PXDN: variants seen among roughly 807,000 people sequenced by gnomAD.
The protein encoded by PXDN is peroxidasin, also known as peroxidasin homolog.
Under a neutral mutation model 140.3 loss-of-function variants are expected in PXDN, and 77 were observed. The observed-to-expected ratio is 0.55, with a 90% confidence interval of 0.46 to 0.66. The LOEUF (loss-of-function observed/expected upper bound fraction) is 0.66. Among genes scored for constraint, PXDN ranks in the 30% least tolerant of loss-of-function variants. PXDN has a pLI of 0.00. For missense variants in PXDN, 1,838 were observed against 2,039.5 expected (o/e 0.90, Z 1.90); for synonymous variants, 911 against 857.4 (o/e 1.06, Z -1.09).
intron 1 of PXDN, among the ~76,000 whole-genome samples, chr2:1,719,062 C>A (rs1487962692): frequency 6.6e-6 from 1 of 152,256 alleles, no homozygotes; most frequent in Non-Finnish European, 1.5e-5. Context: ...AGCTGAGACG[C>A]CAGGGGCCAG....
At chr2:1,705,290 G>A (rs147209628) in intron 1 of PXDN, among the ~76,000 whole-genome samples, 1,640 of 152,292 alleles carry the variant, frequency 0.011, 19 homozygotes, top group African/African-American at 0.035. Context: ...CTCCATGAAG[G>A]CTGGGGTTGG....
At chr2:1,713,946 G>A (rs929171245) in intron 1 of PXDN, among the ~76,000 whole-genome samples, 2 of 152,220 alleles carry the variant, frequency 1.3e-5, no homozygotes, top group African/African-American at 4.8e-5. Flanking sequence ...GAAGGCACAG[G>A]CTCCCAGGCT....
At chr2:1,667,546 G>A (rs1375065405) in intron 9 of PXDN, among the ~76,000 whole-genome samples, 1 of 152,122 alleles carries the variant, frequency 6.6e-6, no homozygotes, top group African/African-American at 2.4e-5. Flanking sequence ...TGCATATTTA[G>A]AAAACTCCAA....
At chr2:1,716,127 G>A (rs956373754) in intron 1 of PXDN, among the ~76,000 whole-genome samples, 20 of 152,146 alleles carry the variant, frequency 1.3e-4, no homozygotes, top group African/African-American at 4.3e-4. Context: ...CTGAGCCTCA[G>A]TGTACGTATC....
chr2:1,735,278 A>T (rs1205401766), intron 1 of PXDN, among the ~76,000 whole-genome samples: 3 of 152,176 alleles, frequency 2.0e-5, no homozygotes, highest in Non-Finnish European at 2.9e-5. Flanking sequence ...CCATGAATCA[A>T]AAATGTTCTT....
At chr2:1,721,899 C>A (rs761317854) in intron 1 of PXDN, among the ~76,000 whole-genome samples, 1 of 152,158 alleles carries the variant, frequency 6.6e-6, no homozygotes, top group African/African-American at 2.4e-5. Context: ...AAAATGGAAT[C>A]AAGAAATATT....
At chr2:1,742,034 G>T (rs1327741512) in intron 1 of PXDN, among the ~76,000 whole-genome samples, 1 of 152,118 alleles carries the variant, frequency 6.6e-6, no homozygotes, top group African/African-American at 2.4e-5. Flanking sequence ...ACTGTGCCTA[G>T]GTCCGCACAG....
chr2:1,721,718 T>C (rs1434456565), intron 1 of PXDN, among the ~76,000 whole-genome samples: 1 of 152,076 alleles, frequency 6.6e-6, no homozygotes, highest in Non-Finnish European at 1.5e-5. Context: ...TCCCAGCTAC[T>C]TGGGAGACTG....
At chr2:1,692,453 G>A (rs1212688855) in intron 2 of PXDN, 12 of 470,422 alleles carry the variant, frequency 2.6e-5, no homozygotes, top group Middle Eastern at 6.6e-4. Flanking sequence ...GAGAGACCCC[G>A]GGCCACTTGC....
intron 1 of PXDN, among the ~76,000 whole-genome samples, chr2:1,725,649 A>C (rs148915251): frequency 3.3e-5 from 5 of 152,192 alleles, no homozygotes; most frequent in Non-Finnish European, 5.9e-5. Flanking sequence ...CAACCTACAG[A>C]ATGGGAGAAA....
In PXDN at chr2:1,656,588, T is replaced by A. The variant is rs575435594; in HGVS notation, c.1838-2080A>T. On this transcript the variant is annotated intron_variant, in intron 14 of 22. Transcript: ENST00000252804. ...TTCCTGACAGGGACCTGTCCCCTCC[T>A]GCCTGAAACCTGTCCCCTCCTGAAT... 3.5e-3 allele frequency among the ~76,000 whole-genome samples: 526 copies of A among 150,250 alleles called. 1 individual carries two copies. The highest frequency in any genetic ancestry group is 0.011 in the Middle Eastern group (3 of 282).
intron 1 of PXDN, among the ~76,000 whole-genome samples, chr2:1,717,070 G>A (rs974635807): frequency 5.9e-5 from 9 of 152,150 alleles, no homozygotes; most frequent in African/African-American, 2.2e-4. Context: ...GCTAAGGTCT[G>A]TATACTGATG....
chr2:1,724,073 T>C (rs1685116605), intron 1 of PXDN, among the ~76,000 whole-genome samples: 1 of 152,260 alleles, frequency 6.6e-6, no homozygotes, highest in Non-Finnish European at 1.5e-5. Context: ...TCAGATAAAC[T>C]GCAGCCTTTG....
At chr2:1,708,160 G>A (rs62116634) in intron 1 of PXDN, among the ~76,000 whole-genome samples, 3 of 152,136 alleles carry the variant, frequency 2.0e-5, no homozygotes, top group Admixed American at 1.3e-4. Context: ...AGCTGAGATC[G>A]TGGGGCTGGG....
intron 1 of PXDN, among the ~76,000 whole-genome samples, chr2:1,740,390 G>T (rs900289613): frequency 2.0e-5 from 3 of 152,122 alleles, no homozygotes; most frequent in African/African-American, 4.8e-5. Flanking sequence ...TCACTCAGGC[G>T]ACGCAGTCTC....
intron 1 of PXDN, among the ~76,000 whole-genome samples, chr2:1,712,254 T>C (rs1286316129): frequency 6.6e-6 from 1 of 152,242 alleles, no homozygotes; most frequent in Non-Finnish European, 1.5e-5. Flanking sequence ...TTTAGGTTTC[T>C]GAGTTTAATC....
intron 12 of PXDN, among the ~76,000 whole-genome samples, chr2:1,662,759 C>T (rs1258316877): frequency 1.3e-5 from 2 of 152,196 alleles, no homozygotes; most frequent in African/African-American, 4.8e-5. Context: ...AGAGCCAACC[C>T]GGCGGGCCGG....
Position 1,687,573 on chromosome 2 carries a change from A to G in PXDN, c.416+59T>C. 3.0e-6 allele frequency: 4 copies of G among 1,346,130 alleles called. No individual in the cohort carries two copies. The highest frequency in any genetic ancestry group is 4.1e-6 in the Non-Finnish European group (4 of 974,818). 83.4% of individuals were successfully genotyped at this position (1,346,130 alleles called of 1,614,324 possible). On this transcript the variant is annotated intron_variant, in intron 4 of 22. Transcript: ENST00000252804. This position sits in a 1 kb window ranked among gnomAD's most constrained non-coding sequence, Gnocchi z 4.0. ...GCTAGCTCACTCCACTGGTCCCTAC[A>G]AGAGGAAAACAGCCAGACGGCATCC...
chr2:1,653,409 G>A (rs1683058289), intron 16 of PXDN: 1 of 678,078 alleles, frequency 1.5e-6, no homozygotes, highest in Non-Finnish European at 2.6e-6. Flanking sequence ...AGCACTCCAA[G>A]GGACTTCACG....
Sources: allele counts gnomAD v4.1 joint callset (sites outside exome capture counted in the v4.1 genomes callset), GRCh38; gene constraint gnomAD v4.1.1; non-coding constraint Gnocchi (gnomAD v3.1); transcripts MANE v1.5; gene names NCBI Gene and HGNC (gene_info 2026-07-23, HGNC 2026-07-21).